The following MITF variants were observed in gnomAD, a reference collection of about 807,000 sequenced individuals.
MITF encodes microphthalmia-associated transcription factor.
A neutral mutation model predicts 60.5 loss-of-function variants in MITF; 17 were observed. The observed-to-expected ratio is 0.28, with a 90% CI of 0.19 to 0.42. The LOEUF (loss-of-function observed/expected upper bound fraction) is 0.42. MITF is among the 10% of genes least tolerant of loss of function. The pLI, the probability that MITF is intolerant of heterozygous loss-of-function variation, is 1.00. For missense variants in MITF, 622 were observed against 683.5 expected, an observed-to-expected ratio of 0.91 and a Z score of 1.00; for synonymous variants, 260 against 248.5, an observed-to-expected ratio of 1.05 and a Z score of -0.43.
In MITF at chr3:69,926,107, G is replaced by A. The variant is rs1384678111; in HGVS notation, c.355-11715G>A. ...GGATGGTTACATTAAACCTGCATGC[G>A]AAGCTCTCAGCACAGTGCATGCCCC... is the stretch of plus-strand genomic sequence containing the variant. On this transcript the variant is annotated intron_variant, in intron 2 of 9. Transcript: ENST00000352241. 6.6e-5 allele frequency among the ~76,000 whole-genome samples: 10 copies of A among 152,216 alleles called. No individual in the cohort carries two copies. In the East Asian group the frequency reaches 1.4e-3, roughly 21 times the overall value.
chr3:69,941,607 T>G (rs190329016), intron 5 of MITF, among the ~76,000 whole-genome samples: 54 of 152,270 alleles, frequency 3.5e-4, no homozygotes, highest in African/African-American at 1.3e-3. Flanking sequence ...TCCCTTGACA[T>G]CTAATGCCCA....
At position 69,879,344 on chromosome 3, in the gene MITF, C is replaced by T. The variant is rs766940634; in HGVS notation, c.315C>T (p.Thr105=). 42 of 1,614,234 alleles carry T rather than the reference C, an allele frequency of 2.6e-5. No individual in the cohort carries two copies. The highest frequency in any genetic ancestry group is 6.6e-5 in the South Asian group (6 of 91,090). ...CCATAAACGTCAGTGTGCCCACCAC[C>T]CTTCCCTCTGCCACGCAGGTGCCGA... is the stretch of plus-strand genomic sequence containing the variant. ...TPAINVSVPT[T]LPSATQVPME... Residue 105 remains threonine, a synonymous_variant, in exon 2 of 10, where the codon ACC becomes ACT. Coordinates refer to ENST00000352241, the MANE Select transcript of MITF (RefSeq NM_001354604.2).
intron 9 of MITF, among the ~76,000 whole-genome samples, chr3:69,964,048 C>T (rs970939589): frequency 1.4e-5 from 2 of 143,614 alleles, no homozygotes; most frequent in African/African-American, 5.2e-5. Flanking sequence ...GCAATCTCGG[C>T]TCACTGCAAC....
chr3:69,959,229 C>A (rs753638474), intron 8 of MITF, 44 bp from the exon 9 acceptor site: 1 of 1,609,064 alleles, frequency 6.2e-7, no homozygotes, highest in Non-Finnish European at 8.5e-7. Flanking sequence ...TTTCATTGAG[C>A]CTCAAATCCT....
chr3:69,873,598 A>G (rs2064286310), intron 1 of MITF, among the ~76,000 whole-genome samples: 1 of 152,208 alleles, frequency 6.6e-6, no homozygotes, highest in South Asian at 2.1e-4. Context: ...GCAGGAGTAA[A>G]GTAGTCTTTC....
At chr3:69,909,600 G>A (rs1370863282) in intron 2 of MITF, among the ~76,000 whole-genome samples, 1 of 151,378 alleles carries the variant, frequency 6.6e-6, no homozygotes, top group Non-Finnish European at 1.5e-5. Context: ...ATAAGGCCCA[G>A]GCTGAGGTGG....
At chr3:69,858,570 A>G (rs770626443) in intron 1 of MITF, among the ~76,000 whole-genome samples, 18 of 152,182 alleles carry the variant, frequency 1.2e-4, no homozygotes, top group Admixed American at 5.9e-4. Context: ...ATTATGATTG[A>G]CACACTGAAT....
chr3:69,779,833 G>A lies in MITF; in HGVS notation c.104+40132G>A, dbSNP rs576958675. 9.2e-5 allele frequency among the ~76,000 whole-genome samples: 14 copies of A among 152,180 alleles called. No individual in the cohort carries two copies. In the East Asian group the frequency reaches 1.4e-3, roughly 15 times the overall value. On this transcript the variant is annotated intron_variant, in intron 1 of 9. Coordinates refer to ENST00000352241, the MANE Select transcript of MITF (RefSeq NM_001354604.2). The stretch of plus-strand genomic sequence containing the variant: ...GTAACATTTAGTATAATTCACAACC[G>A]GTAAATCAACTGAAGTCTTTTAAAG...
intron 2 of MITF, among the ~76,000 whole-genome samples, chr3:69,937,399 T>C (rs968173305): frequency 6.6e-6 from 1 of 151,774 alleles, no homozygotes; most frequent in African/African-American, 2.4e-5. Flanking sequence ...TGTGTGTGTG[T>C]GTGTGTTTTA....
chr3:69,760,003 C>T (rs1348907666), intron 1 of MITF, among the ~76,000 whole-genome samples: 1 of 152,204 alleles, frequency 6.6e-6, no homozygotes, highest in Admixed American at 6.5e-5. Context: ...TGGTCTCGAT[C>T]TCCTGACCTC....
At chr3:69,802,687 T>C (rs2062941298) in intron 1 of MITF, among the ~76,000 whole-genome samples, 2 of 143,148 alleles carry the variant, frequency 1.4e-5, no homozygotes, top group African/African-American at 5.2e-5. Context: ...CATATTCTTT[T>C]TTTTTTTTTT....
At chr3:69,845,874 A>G (rs2063723575) in intron 1 of MITF, among the ~76,000 whole-genome samples, 1 of 152,184 alleles carries the variant, frequency 6.6e-6, no homozygotes. Context: ...CTTCCTCGGC[A>G]GGAGTGTCAT....
chr3:69,766,103 C>T (rs928552086), intron 1 of MITF, among the ~76,000 whole-genome samples: 4 of 152,088 alleles, frequency 2.6e-5, no homozygotes, highest in Non-Finnish European at 4.4e-5. Context: ...AATAGTTGAA[C>T]AAGGTAAGAA....
chr3:69,830,159 A>G (rs187053861), intron 1 of MITF, among the ~76,000 whole-genome samples: 13 of 152,184 alleles, frequency 8.5e-5, no homozygotes, highest in African/African-American at 2.9e-4. Context: ...CCTTGCTTTC[A>G]TCAGGTTCTA....
At chr3:69,900,813 G>A (rs9830619) in intron 2 of MITF, among the ~76,000 whole-genome samples, 2,369 of 152,274 alleles carry the variant, frequency 0.016, 64 homozygotes, top group African/African-American at 0.053. Flanking sequence ...GGATAGAGTA[G>A]TGATTATACC....
intron 1 of MITF, among the ~76,000 whole-genome samples, chr3:69,860,373 G>C (rs1278660767): frequency 6.6e-6 from 1 of 152,132 alleles, no homozygotes; most frequent in African/African-American, 2.4e-5. Context: ...TTGGGAGGCC[G>C]AGGCGGGCGG....
intron 2 of MITF, among the ~76,000 whole-genome samples, chr3:69,891,896 A>C (rs1269140421): frequency 6.6e-6 from 1 of 152,194 alleles, no homozygotes; most frequent in African/African-American, 2.4e-5. Context: ...GCATATATTT[A>C]TGAAAAGTTT....
rs529027954 is a variant in MITF, at chr3:69,927,467, C to T, written c.355-10355C>T. 2.7e-4 allele frequency among the ~76,000 whole-genome samples: 41 copies of T among 151,998 alleles called. 1 individual carries two copies. In the South Asian group the frequency reaches 8.3e-3, roughly 31 times the overall value. On this transcript the variant is annotated intron_variant, in intron 2 of 9. Coordinates refer to ENST00000352241, the MANE Select transcript of MITF (RefSeq NM_001354604.2). ...CGGGTTGACAGGTGCAGCAAACCGC[C>T]ATGGCAAATGTATACCTATGTAACA...
chr3:69,759,040 T>A (rs1337603258), intron 1 of MITF, among the ~76,000 whole-genome samples: 1 of 152,206 alleles, frequency 6.6e-6, no homozygotes, highest in Non-Finnish European at 1.5e-5. Flanking sequence ...AAAAATACAG[T>A]CAATTCTCAT....
Sources: allele counts gnomAD v4.1 joint callset (sites outside exome capture counted in the v4.1 genomes callset), GRCh38; gene constraint gnomAD v4.1.1; transcripts MANE v1.5; gene names NCBI Gene and HGNC (gene_info 2026-07-23, HGNC 2026-07-21).